The following PRKCH variants were observed in gnomAD, a reference collection of about 807,000 sequenced individuals.
The protein encoded by PRKCH is protein kinase C eta type.
In PRKCH, 28 loss-of-function variants were observed where a neutral mutation model predicts 82.5. That is an observed-to-expected ratio of 0.34 (90% confidence interval 0.25 to 0.47). The LOEUF is 0.47. Ranked by LOEUF, PRKCH falls within the 20% of genes least tolerant of loss-of-function variation. PRKCH has a pLI of 1.00. For synonymous variants in PRKCH, 322 were observed against 327.4 expected, an observed-to-expected ratio of 0.98 and a Z score of 0.18; for missense variants, 705 against 881.8, an observed-to-expected ratio of 0.80 and a Z score of 2.54.
chr14:61,385,895 C>T (rs2046580563), intron 1 of PRKCH, among the ~76,000 whole-genome samples: 1 of 152,084 alleles, frequency 6.6e-6, no homozygotes, highest in South Asian at 2.1e-4. Context: ...GAGTTGCCCA[C>T]CTGTCTGAAA....
At chr14:61,364,403 C>T (rs2046271648) in intron 1 of PRKCH, among the ~76,000 whole-genome samples, 1 of 151,940 alleles carries the variant, frequency 6.6e-6, no homozygotes, top group Non-Finnish European at 1.5e-5. Context: ...TTTACAGTGG[C>T]CCAAGTGTGT....
At chr14:61,370,599 G>A (rs902508948) in intron 1 of PRKCH, among the ~76,000 whole-genome samples, 2 of 152,062 alleles carry the variant, frequency 1.3e-5, no homozygotes, top group Admixed American at 1.3e-4. Context: ...AACTTTTCCT[G>A]AAATCAGAGT....
chr14:61,345,609 A>T (rs1449603702), intron 1 of PRKCH, among the ~76,000 whole-genome samples: 1 of 152,254 alleles, frequency 6.6e-6, no homozygotes, highest in Non-Finnish European at 1.5e-5. Context: ...TAGGAGATAC[A>T]CAATAAGGAT....
intron 2 of PRKCH, among the ~76,000 whole-genome samples, chr14:61,396,917 T>G (rs1441260536): frequency 6.6e-6 from 1 of 152,122 alleles, no homozygotes; most frequent in Non-Finnish European, 1.5e-5. Context: ...TTCAAAAGGG[T>G]GCCAGGTCAG....
At position 61,510,071 on chromosome 14, in the gene PRKCH, G is replaced by A. The variant is rs116776915; in HGVS notation, c.1434-19004G>A. On this transcript the variant is annotated intron_variant, in intron 10 of 13. Transcript: ENST00000332981. ...TAGACATAGCGACAGGGACAGAGGC[G>A]TGGAGGCAGAAAAGCGTCCTGTGCT... Among the ~76,000 whole-genome samples the A allele has an allele frequency of 4.1e-3, 627 of 152,238 alleles. 11 individuals carry two copies. The highest frequency in any genetic ancestry group is 0.014 in the African/African-American group (587 of 41,514).
At chr14:61,487,267 G>A (rs1886266279) in intron 10 of PRKCH, among the ~76,000 whole-genome samples, 1 of 152,208 alleles carries the variant, frequency 6.6e-6, no homozygotes, top group Non-Finnish European at 1.5e-5. Flanking sequence ...GCAGAACTGG[G>A]AACCAGCCTG....
At chr14:61,524,467 G>C (rs1393481291) in intron 10 of PRKCH, among the ~76,000 whole-genome samples, 1 of 152,170 alleles carries the variant, frequency 6.6e-6, no homozygotes, top group Non-Finnish European at 1.5e-5. Flanking sequence ...TAGTATTTGA[G>C]CCTCTGCCCT....
At chr14:61,508,824 T>C (rs973371632) in intron 10 of PRKCH, among the ~76,000 whole-genome samples, 16 of 152,138 alleles carry the variant, frequency 1.1e-4, no homozygotes, top group Non-Finnish European at 2.2e-4. Flanking sequence ...TTGCTAACTT[T>C]CTTGACTCTC....
intron 1 of PRKCH, among the ~76,000 whole-genome samples, chr14:61,229,626 G>A (rs1368935007): frequency 1.3e-5 from 2 of 152,162 alleles, no homozygotes; most frequent in Non-Finnish European, 2.9e-5. Flanking sequence ...AAGATTTGGC[G>A]GGGACTGTTG....
chr14:61,423,293 A>C (rs1882952430), intron 2 of PRKCH, among the ~76,000 whole-genome samples: 1 of 152,210 alleles, frequency 6.6e-6, no homozygotes, highest in Non-Finnish European at 1.5e-5. Context: ...TGGGTATTGG[A>C]CACTCATTAC....
chr14:61,532,023 C>T (rs568525804), intron 12 of PRKCH, among the ~76,000 whole-genome samples: 189 of 152,294 alleles, frequency 1.2e-3, no homozygotes, highest in African/African-American at 4.5e-3. Context: ...GTGCTGCAGA[C>T]GGAGGCGTAC....
chr14:61,408,852 T>C (rs1338344261), intron 2 of PRKCH, among the ~76,000 whole-genome samples: 1 of 152,190 alleles, frequency 6.6e-6, no homozygotes, highest in Non-Finnish European at 1.5e-5. Context: ...ATAGACGTCA[T>C]ATTCTAGGAG....
chr14:61,532,723 C>T (rs2043055933), intron 12 of PRKCH, among the ~76,000 whole-genome samples: 1 of 152,098 alleles, frequency 6.6e-6, no homozygotes, highest in South Asian at 2.1e-4. Flanking sequence ...TTTTTGGTAA[C>T]GAGCAGATAC....
chr14:61,443,264 A>C lies in PRKCH; in HGVS notation c.578+3A>C. On this transcript the variant is annotated splice_donor_region_variant and intron_variant, in intron 3 of 13. Transcript: ENST00000332981. ...TCTCACTGCAGGGAGTTTATCTGGT[A>C]AGGGGTTCCCTTACTTCTGTCCTCC... The C allele has an allele frequency of 2.5e-6, 4 of 1,613,374 alleles. No individual in the cohort carries two copies. The highest frequency in any genetic ancestry group is 3.4e-6 in the Non-Finnish European group (4 of 1,179,550).
intron 10 of PRKCH, among the ~76,000 whole-genome samples, chr14:61,513,990 G>A (rs1191169236): frequency 1.3e-5 from 2 of 152,098 alleles, no homozygotes; most frequent in African/African-American, 2.4e-5. Flanking sequence ...CAGAGTCCCT[G>A]CTTTCTAACT....
At chr14:61,273,596 C>T (rs1219364523) in intron 1 of PRKCH, among the ~76,000 whole-genome samples, 1 of 152,196 alleles carries the variant, frequency 6.6e-6, no homozygotes, top group Non-Finnish European at 1.5e-5. Context: ...TATCAATGAA[C>T]TAATGTAACC....
At chr14:61,475,394 A>T (rs1406266707) in intron 9 of PRKCH, among the ~76,000 whole-genome samples, 1 of 152,222 alleles carries the variant, frequency 6.6e-6, no homozygotes, top group Admixed American at 6.5e-5. Flanking sequence ...GTTTTTGACT[A>T]GGAGGTTTGT....
At chr14:61,445,363 G>A (rs967170190) in intron 3 of PRKCH, among the ~76,000 whole-genome samples, 3 of 152,216 alleles carry the variant, frequency 2.0e-5, no homozygotes, top group Admixed American at 1.3e-4. Context: ...GAGAGAATAA[G>A]GTGGGAACTC....
intron 1 of PRKCH, among the ~76,000 whole-genome samples, chr14:61,323,761 G>T (rs1456867701): frequency 2.6e-5 from 4 of 152,206 alleles, no homozygotes; most frequent in Admixed American, 6.5e-5. Context: ...GTACTTAGAA[G>T]TGGGGACTAG....
Sources: gnomAD v4.1 joint callset for allele counts (sites outside exome capture counted in the v4.1 genomes callset) on GRCh38, gnomAD v4.1.1 for gene constraint, MANE v1.5 for transcripts, NCBI Gene and HGNC (gene_info 2026-07-23, HGNC 2026-07-21) for gene names.